Variants in PCDH15 observed in about 807,000 individuals in gnomAD.
PCDH15 encodes the protein protocadherin-15.
Under a neutral mutation model 178.5 loss-of-function variants are expected in PCDH15, and 129 were observed. The observed-to-expected ratio is 0.72, with a 90% CI of 0.63 to 0.84. The LOEUF is 0.84. PCDH15 is among the 40% of genes least tolerant of loss of function. The pLI, the probability that PCDH15 is intolerant of heterozygous loss-of-function variation, is 0.00. For synonymous variants in PCDH15, 800 were observed against 732.0 expected, an observed-to-expected ratio of 1.09 and a Z score of -1.50; for missense variants, 2,230 against 2,099.9, an observed-to-expected ratio of 1.06 and a Z score of -1.21.
chr10:54,712,429 TG>T (rs1161833923), intron 1 of PCDH15, among the ~76,000 whole-genome samples: 2 of 151,848 alleles, frequency 1.3e-5, no homozygotes, highest in African/African-American at 4.8e-5. Context: ...ACTACACTGA[TG>T]GAAGAGACAA....
intron 1 of PCDH15, among the ~76,000 whole-genome samples, chr10:54,776,821 G>A (rs1355875474): frequency 6.6e-6 from 1 of 152,016 alleles, no homozygotes. Context: ...GTCACCACAC[G>A]GCATAGAGAG....
At chr10:54,436,021 GGAGAGGAGAGGAGAGAGA>G (rs1408025229) in intron 3 of PCDH15, among the ~76,000 whole-genome samples, 2 of 92,574 alleles carry the variant, frequency 2.2e-5, no homozygotes, top group African/African-American at 4.5e-5. Flanking sequence ...GGAGAGGAGA[GGAGAGGAGAGGAGAGAGA>G]GAGAGAGAGA....
At chr10:54,977,472 C>T (rs368873109) in intron 2 of PCDH15, among the ~76,000 whole-genome samples, 3 of 152,194 alleles carry the variant, frequency 2.0e-5, no homozygotes, top group Non-Finnish European at 2.9e-5. Flanking sequence ...AGTTTACAAA[C>T]GCCATGGCAA....
intron 1 of PCDH15, among the ~76,000 whole-genome samples, chr10:55,229,273 AAATAGACTACCAT>A: frequency 6.6e-6 from 1 of 152,052 alleles, no homozygotes; most frequent in East Asian, 1.9e-4. Context: ...AAAATTTTTC[AAATAGACTACCAT>A]AAATGATATA....
intron 3 of PCDH15, among the ~76,000 whole-genome samples, chr10:54,810,620 C>G (rs552236133): frequency 6.6e-6 from 1 of 152,034 alleles, no homozygotes; most frequent in Non-Finnish European, 1.5e-5. Context: ...AACATTTTCA[C>G]TCTGTATTTC....
rs553982960 is a variant in PCDH15, at chr10:54,023,734, A to G, written c.2221-537T>C. Among the ~76,000 whole-genome samples, 8 of 151,394 alleles carry G rather than the reference A, an allele frequency of 5.3e-5. No homozygotes were observed. The South Asian group carries it at 1.7e-3, about 31-fold the overall frequency. On this transcript the variant is annotated intron_variant, in intron 18 of 37. Coordinates refer to ENST00000644397, the MANE Select transcript of PCDH15 (RefSeq NM_001384140.1). The stretch of plus-strand genomic sequence containing the variant: ...AACATTAATCATATTTACCATAAAT[A>G]ATATTTATAAGTATAACCTGACTTA...
intron 2 of PCDH15, among the ~76,000 whole-genome samples, chr10:55,128,109 T>A (rs1024698813): frequency 2.0e-5 from 3 of 152,040 alleles, no homozygotes; most frequent in African/African-American, 7.2e-5. Flanking sequence ...AAGCCACTTT[T>A]TATGATCTAA....
At chr10:54,754,481 A>G (rs1354689164) in intron 1 of PCDH15, among the ~76,000 whole-genome samples, 1 of 152,214 alleles carries the variant, frequency 6.6e-6, no homozygotes, top group Non-Finnish European at 1.5e-5. Context: ...AAGAAAATAC[A>G]CCATTAATAT....
intron 2 of PCDH15, among the ~76,000 whole-genome samples, chr10:55,607,319 C>G (rs1843244973): frequency 6.7e-6 from 1 of 150,356 alleles, no homozygotes; most frequent in South Asian, 2.1e-4. Context: ...ACTAGTTCAA[C>G]CATTGTGGAA....
chr10:55,115,391 C>G (rs549766525), intron 2 of PCDH15, among the ~76,000 whole-genome samples: 1 of 152,182 alleles, frequency 6.6e-6, no homozygotes, highest in African/African-American at 2.4e-5. Context: ...TCACAATATG[C>G]TAGTGAAAGC....
At chr10:55,500,273 T>A (rs1840626392) in intron 2 of PCDH15, among the ~76,000 whole-genome samples, 1 of 151,790 alleles carries the variant, frequency 6.6e-6, no homozygotes, top group African/African-American at 2.4e-5. Flanking sequence ...TTGACCAAAG[T>A]ATTGAAATTC....
At chr10:54,955,446 T>G (rs1838460932) in intron 2 of PCDH15, among the ~76,000 whole-genome samples, 1 of 151,316 alleles carries the variant, frequency 6.6e-6, no homozygotes, top group African/African-American at 2.4e-5. Context: ...AATTTCAATA[T>G]TTTTAGATTG....
intron 8 of PCDH15, among the ~76,000 whole-genome samples, chr10:54,237,873 C>T (rs1465356245): frequency 6.6e-6 from 1 of 152,190 alleles, no homozygotes; most frequent in Non-Finnish European, 1.5e-5. Context: ...AGCCAATTAA[C>T]TGTACTGCAA....
Position 55,463,991 on chromosome 10 carries a change from GAGAAAGAAAGAAAGAAAGAAAGAA to G in PCDH15, c.-156+163610_-156+163633del, listed in dbSNP as rs1225302628. On this transcript the variant is annotated intron_variant, in intron 2 of 5. Transcript: ENST00000613346. ...AAAGAAAGAGAAAGAAAGAAAGAAA[GAGAAAGAAAGAAAGAAAGAAAGAA>G]AGAAAGAAAGAAAGAAAGAAAGAAA... is the stretch of plus-strand genomic sequence containing the variant. 8.1e-4 allele frequency among the ~76,000 whole-genome samples: 17 copies of G among 21,110 alleles called. 3 individuals carry two copies. The highest frequency in any genetic ancestry group is 1.2e-3 in the Non-Finnish European group (16 of 13,058). The allele number at this position is 21,110 out of a possible 152,430, so 13.8% of individuals were successfully genotyped here. A position where few individuals can be genotyped will look rare whatever the true frequency, so the allele number is the denominator to read the frequency against.
intron 3 of PCDH15, among the ~76,000 whole-genome samples, chr10:54,879,069 T>A (rs1347117732): frequency 6.6e-6 from 1 of 152,140 alleles, no homozygotes; most frequent in African/African-American, 2.4e-5. Context: ...AATGTTAACA[T>A]TTGACAATTG....
chr10:54,440,094 C>A (rs564470420), intron 3 of PCDH15, among the ~76,000 whole-genome samples: 3 of 152,048 alleles, frequency 2.0e-5, no homozygotes, highest in African/African-American at 7.2e-5. Flanking sequence ...AGAATGGATG[C>A]TGGCAATTGA....
At chr10:54,701,409 T>C (rs933410213) in intron 1 of PCDH15, among the ~76,000 whole-genome samples, 2 of 152,106 alleles carry the variant, frequency 1.3e-5, no homozygotes, top group Admixed American at 6.6e-5. Flanking sequence ...GTCTGCATAA[T>C]GGCCAGCTAA....
At chr10:54,239,619 T>A (rs2055029507) in intron 8 of PCDH15, among the ~76,000 whole-genome samples, 1 of 151,984 alleles carries the variant, frequency 6.6e-6, no homozygotes, top group East Asian at 1.9e-4. Context: ...GCCCGTACTA[T>A]TTGTTTTAAC....
chr10:55,319,737 C>T (rs1843837087), upstream of PCDH15: 1 of 152,298 alleles, frequency 6.6e-6, no homozygotes, highest in Non-Finnish European at 1.5e-5. Flanking sequence ...GCAAGATACC[C>T]TACAACTCCC....
Sources: gnomAD v4.1 joint callset for allele counts (sites outside exome capture counted in the v4.1 genomes callset) on GRCh38, gnomAD v4.1.1 for gene constraint, MANE v1.5 for transcripts, NCBI Gene and HGNC (gene_info 2026-07-23, HGNC 2026-07-21) for gene names.